Variants in HPSE2 observed in about 807,000 individuals in gnomAD.
HPSE2 encodes the protein inactive heparanase-2.
Under a neutral mutation model 60.5 loss-of-function variants are expected in HPSE2, and 38 were observed. That is an observed-to-expected ratio of 0.63 (90% CI 0.48 to 0.82). HPSE2 has a LOEUF of 0.82. Among genes scored for constraint, HPSE2 ranks in the 40% least tolerant of loss-of-function variants. The probability of loss-of-function intolerance (pLI) is 0.00; values close to 1 mark genes in which losing one functional copy is unlikely to be tolerated. For synonymous variants in HPSE2, 295 were observed against 293.2 expected (o/e 1.01, Z -0.06); for missense variants, 713 against 740.4 (o/e 0.96, Z 0.43).
intron 9 of HPSE2, among the ~76,000 whole-genome samples, chr10:98,511,201 A>G (rs1306908045): frequency 6.7e-6 from 1 of 149,786 alleles, no homozygotes; most frequent in Non-Finnish European, 1.5e-5. Flanking sequence ...CCCAGGCTGG[A>G]GTGCAGTGGC....
chr10:98,971,392 CCT>C (rs63020562), intron 3 of HPSE2, among the ~76,000 whole-genome samples: 69,921 of 151,732 alleles, frequency 0.46, 18,198 homozygotes, highest in Non-Finnish European at 0.59. Flanking sequence ...CCTTGCAAAG[CCT>C]CTCTCTTTCA....
chr10:98,822,262 A>C (rs1200997347), intron 3 of HPSE2, among the ~76,000 whole-genome samples: 1 of 152,108 alleles, frequency 6.6e-6, no homozygotes, highest in Non-Finnish European at 1.5e-5. Context: ...CCTAATGGAC[A>C]CTCTGAGGTT....
At chr10:99,271,517 C>T in the HPSE2 span, among the ~76,000 whole-genome samples, 2 of 152,202 alleles carry the variant, frequency 1.3e-5, no homozygotes, top group East Asian at 3.9e-4. Flanking sequence ...AATGGAAACA[C>T]ATCCCATGCT....
chr10:98,718,201 T>C (rs1948837793), intron 5 of HPSE2, among the ~76,000 whole-genome samples: 1 of 152,152 alleles, frequency 6.6e-6, no homozygotes, highest in Non-Finnish European at 1.5e-5. Flanking sequence ...TGCCTTTAGA[T>C]AAAACTGATG....
chr10:98,522,438 T>C (rs576847339), intron 9 of HPSE2, among the ~76,000 whole-genome samples: 20 of 152,156 alleles, frequency 1.3e-4, no homozygotes, highest in Admixed American at 5.9e-4. Flanking sequence ...ATAGGTCTTG[T>C]GGAATAAGGC....
intron 4 of HPSE2, among the ~76,000 whole-genome samples, chr10:98,722,973 T>C (rs1026242321): frequency 2.6e-5 from 4 of 152,206 alleles, no homozygotes; most frequent in Non-Finnish European, 5.9e-5. Flanking sequence ...TCCTGCCTGA[T>C]TGCCCTGGCC....
chr10:99,115,510 T>C lies in HPSE2; in HGVS notation c.610+28728A>G. 1.3e-5 allele frequency among the ~76,000 whole-genome samples: 2 copies of C among 151,946 alleles called. 1 individual carries two copies. Among genetic ancestry groups the C allele is most frequent in the Non-Finnish European group, 2.9e-5 (2 of 67,956 alleles). The stretch of plus-strand genomic sequence containing the variant: ...GGGCTTTGCTATGTTGCCCAGGCTG[T>C]TCTTGAACTCCTGGCTTCAAGCAAT... On this transcript the variant is annotated intron_variant, in intron 3 of 11. Transcript: ENST00000370552.
At chr10:99,020,183 T>C (rs1957231312) in intron 3 of HPSE2, among the ~76,000 whole-genome samples, 1 of 152,196 alleles carries the variant, frequency 6.6e-6, no homozygotes, top group Admixed American at 6.5e-5. Flanking sequence ...TCAGGCATTA[T>C]ACTAGTGGTT....
chr10:99,172,315 TGGATGGCTTTGGA>T (rs1847342345), intron 2 of HPSE2, among the ~76,000 whole-genome samples: 1 of 152,204 alleles, frequency 6.6e-6, no homozygotes, highest in South Asian at 2.1e-4. Context: ...ATTCCTCATG[TGGATGGCTTTGGA>T]GCCTCCTAGT....
chr10:99,153,594 C>T (rs924886045), intron 2 of HPSE2, among the ~76,000 whole-genome samples: 1 of 151,814 alleles, frequency 6.6e-6, no homozygotes, highest in Non-Finnish European at 1.5e-5. Context: ...CACCAAAAAC[C>T]CATCTGTACA....
chr10:98,704,426 C>A (rs1409390920), intron 5 of HPSE2, among the ~76,000 whole-genome samples: 1 of 151,190 alleles, frequency 6.6e-6, no homozygotes, highest in African/African-American at 2.4e-5. Context: ...TCATATGGAA[C>A]AAAAAAAAAA....
chr10:98,482,321 G>T (rs527790445), intron 11 of HPSE2, among the ~76,000 whole-genome samples: 1 of 152,156 alleles, frequency 6.6e-6, no homozygotes, highest in Non-Finnish European at 1.5e-5. Context: ...GGTGAGCAGC[G>T]GCCAAGGATG....
chr10:99,082,695 G>A (rs1025681273), intron 3 of HPSE2, among the ~76,000 whole-genome samples: 9 of 152,036 alleles, frequency 5.9e-5, no homozygotes, highest in East Asian at 3.9e-4. Context: ...TGCCTAGCAC[G>A]TACTAGATAC....
intron 6 of HPSE2, among the ~76,000 whole-genome samples, chr10:98,647,983 T>G (rs1946817339): frequency 6.6e-6 from 1 of 152,194 alleles, no homozygotes; most frequent in Admixed American, 6.5e-5. Context: ...TGGAAAAATG[T>G]TATAGAAAAA....
chr10:98,469,904 ATCTC>A (rs761721586), intron 11 of HPSE2, among the ~76,000 whole-genome samples: 5 of 152,222 alleles, frequency 3.3e-5, no homozygotes, highest in African/African-American at 4.8e-5. Flanking sequence ...GTCAGAATTC[ATCTC>A]TCTCTTTCTC....
chr10:99,151,216 G>A (rs1846249682), intron 2 of HPSE2, among the ~76,000 whole-genome samples: 1 of 151,088 alleles, frequency 6.6e-6, no homozygotes, highest in Non-Finnish European at 1.5e-5. Context: ...AAAATGGCCA[G>A]TTTCCAATAA....
At chr10:98,539,234 A>G (rs1448433075) in intron 9 of HPSE2, among the ~76,000 whole-genome samples, 1 of 152,192 alleles carries the variant, frequency 6.6e-6, no homozygotes, top group Non-Finnish European at 1.5e-5. Context: ...CTTAAAAAGC[A>G]TGTTAGGCTG....
At chr10:98,732,425 T>C (rs1482966712) in intron 4 of HPSE2, among the ~76,000 whole-genome samples, 1 of 152,108 alleles carries the variant, frequency 6.6e-6, no homozygotes, top group African/African-American at 2.4e-5. Context: ...AGTCCTAGCA[T>C]AAGGAAAGAC....
At chr10:99,218,247 G>A (rs1178072494) in intron 2 of HPSE2, among the ~76,000 whole-genome samples, 2 of 150,874 alleles carry the variant, frequency 1.3e-5, no homozygotes, top group Admixed American at 6.6e-5. Flanking sequence ...GACACTTTGA[G>A]TTTCCTTGAA....
Sources: gnomAD v4.1 joint callset for allele counts (sites outside exome capture counted in the v4.1 genomes callset) on GRCh38, gnomAD v4.1.1 for gene constraint, MANE v1.5 for transcripts, NCBI Gene and HGNC (gene_info 2026-07-23, HGNC 2026-07-21) for gene names.